USP12: variants seen among roughly 807,000 people sequenced by gnomAD.
USP12 encodes the protein ubiquitin specific peptidase 12.
Under a neutral mutation model 45.5 loss-of-function variants are expected in USP12, and 19 were observed. That is an observed-to-expected ratio of 0.42 (90% CI 0.29 to 0.61). The LOEUF is 0.61. Among genes scored for constraint, USP12 ranks in the 20% least tolerant of loss-of-function variants. USP12 has a pLI of 0.22. For synonymous variants in USP12, 149 were observed against 148.8 expected (o/e 1.00, Z -0.01); for missense variants, 242 against 447.7 (o/e 0.54, Z 4.15).
intron 6 of USP12, among the ~76,000 whole-genome samples, chr13:27,083,455 G>T (rs1270543955): frequency 6.6e-6 from 1 of 151,288 alleles, no homozygotes; most frequent in Non-Finnish European, 1.5e-5. Context: ...TTGCCCCCAT[G>T]CCAGCAGCCA....
intron 8 of USP12, 35 bp from the exon 9 acceptor site, chr13:27,069,419 G>T: frequency 6.8e-7 from 1 of 1,477,506 alleles, no homozygotes; most frequent in Non-Finnish European, 9.5e-7. Flanking sequence ...GTACATAAAT[G>T]AGCTCTGTAC....
chr13:27,138,922 T>A (rs1411591988), intron 1 of USP12, among the ~76,000 whole-genome samples: 3 of 152,232 alleles, frequency 2.0e-5, no homozygotes, highest in African/African-American at 7.2e-5. Context: ...TGTCATGGCA[T>A]AATTAATAGC....
At chr13:27,139,358 G>GT in intron 1 of USP12, among the ~76,000 whole-genome samples, 2 of 152,252 alleles carry the variant, frequency 1.3e-5, no homozygotes, top group Non-Finnish European at 2.9e-5. Flanking sequence ...GCTTACGCCT[G>GT]TAATGCCAGC....
At chr13:27,139,781 A>T (rs987104886) in intron 1 of USP12, among the ~76,000 whole-genome samples, 21 of 152,210 alleles carry the variant, frequency 1.4e-4, no homozygotes, top group Non-Finnish European at 2.2e-4. Flanking sequence ...ACTGATTCAC[A>T]TATTTATTTT....
chr13:27,165,227 T>G (rs1878299764), intron 1 of USP12, among the ~76,000 whole-genome samples: 1 of 152,132 alleles, frequency 6.6e-6, no homozygotes, highest in African/African-American at 2.4e-5. Context: ...ATAAAAGAAA[T>G]AAATTATTCT....
chr13:27,094,374 C>T (rs1449223110), intron 4 of USP12, among the ~76,000 whole-genome samples: 1 of 151,940 alleles, frequency 6.6e-6, no homozygotes, highest in East Asian at 1.9e-4. Context: ...TGATGGCATG[C>T]ACTGTAGTCC....
At chr13:27,078,227 T>A (rs182021660) in intron 6 of USP12, among the ~76,000 whole-genome samples, 200 of 152,094 alleles carry the variant, frequency 1.3e-3, no homozygotes, top group Admixed American at 2.0e-3. Flanking sequence ...GTAAAAAAAA[T>A]TTTTAAAAAG....
At chr13:27,113,314 A>G (rs1467720241) in intron 2 of USP12, among the ~76,000 whole-genome samples, 1 of 152,218 alleles carries the variant, frequency 6.6e-6, no homozygotes. Context: ...AATAAAAAAT[A>G]AAAATGTTGA....
intron 8 of USP12, among the ~76,000 whole-genome samples, chr13:27,070,656 C>T (rs895271532): frequency 4.0e-5 from 6 of 151,886 alleles, no homozygotes; most frequent in African/African-American, 9.7e-5. Flanking sequence ...CGGGTTCAAG[C>T]GCTTCTCCTG....
At chr13:27,139,500 C>G (rs958701636) in intron 1 of USP12, among the ~76,000 whole-genome samples, 1 of 152,100 alleles carries the variant, frequency 6.6e-6, no homozygotes, top group African/African-American at 2.4e-5. Flanking sequence ...CCTGTGGTCC[C>G]GGCTACTCAG....
chr13:27,121,587 C>T (rs990690258), intron 1 of USP12, among the ~76,000 whole-genome samples: 10 of 152,096 alleles, frequency 6.6e-5, no homozygotes, highest in Non-Finnish European at 8.8e-5. Flanking sequence ...TTAAGGCAGG[C>T]GTGGTGGCTC....
At chr13:27,097,905 G>A (rs912640508) in intron 3 of USP12, among the ~76,000 whole-genome samples, 21 of 151,878 alleles carry the variant, frequency 1.4e-4, no homozygotes, top group African/African-American at 4.8e-4. Flanking sequence ...GAGATATTTT[G>A]GGGATGTGAC....
chr13:27,132,171 T>C (rs1256779051), intron 1 of USP12, among the ~76,000 whole-genome samples: 5 of 152,228 alleles, frequency 3.3e-5, no homozygotes, highest in Admixed American at 2.0e-4. Context: ...ATTCAGGGAT[T>C]ATAACATTTA....
rs1487682979 is a variant in USP12, at chr13:27,116,570, T to C, written c.75A>G (p.Lys25=). Reference sequence around the variant, plus strand: ...CCGGAAACTGTTCTGGACCAATCTCTTTCTCTAATGCCGAAGCATTGGCGC... The same window carrying C: ...CCGGAAACTGTTCTGGACCAATCTCCTTCTCTAATGCCGAAGCATTGGCGC... The part of the protein sequence containing the change: ...TMGANASALE[K]EIGPEQFPVN... Residue 25 remains lysine, a synonymous_variant, in exon 2 of 9, where the codon AAA becomes AAG. Transcript: ENST00000282344. The C allele has an allele frequency of 6.2e-7, 1 of 1,612,892 alleles. No homozygotes were observed. Among genetic ancestry groups the C allele is most frequent in the South Asian group, 1.1e-5 (1 of 90,994 alleles).
chr13:27,123,807 C>T (rs1004338280), intron 1 of USP12, among the ~76,000 whole-genome samples: 1 of 152,138 alleles, frequency 6.6e-6, no homozygotes, highest in Non-Finnish European at 1.5e-5. Context: ...TTATAAATTA[C>T]CCAGTCTCAG....
intron 1 of USP12, among the ~76,000 whole-genome samples, chr13:27,169,335 G>A (rs74042506): frequency 0.093 from 14,113 of 152,198 alleles, 874 homozygotes; most frequent in African/African-American, 0.17. Context: ...GATACGGGGT[G>A]TGGCAGGGAG....
At chr13:27,108,790 C>G (rs976094898) in intron 2 of USP12, among the ~76,000 whole-genome samples, 1 of 152,156 alleles carries the variant, frequency 6.6e-6, no homozygotes, top group African/African-American at 2.4e-5. Context: ...AACCCTGTCT[C>G]TAACTGAAAT....
intron 3 of USP12, 36 bp downstream of exon 3, chr13:27,105,695 C>T (rs535033875): frequency 6.3e-7 from 1 of 1,581,500 alleles, no homozygotes; most frequent in East Asian, 2.2e-5. Context: ...TTTAACCTTC[C>T]TAGTATGTCA....
At chr13:27,162,540 T>G (rs778853659) in intron 1 of USP12, among the ~76,000 whole-genome samples, 1 of 152,200 alleles carries the variant, frequency 6.6e-6, no homozygotes, top group Non-Finnish European at 1.5e-5. Flanking sequence ...ATCTTCAAGA[T>G]GACAGATAGA....
Sources: allele counts gnomAD v4.1 joint callset (sites outside exome capture counted in the v4.1 genomes callset), GRCh38; gene constraint gnomAD v4.1.1; transcripts MANE v1.5; gene names NCBI Gene and HGNC (gene_info 2026-07-23, HGNC 2026-07-21).